The following RBFOX1 variants were observed in gnomAD, a reference collection of about 807,000 sequenced individuals.
The protein encoded by RBFOX1 is RNA binding fox-1 homolog 1, also known as RNA binding protein fox-1 homolog 1.
A neutral mutation model predicts 57.7 loss-of-function variants in RBFOX1; 8 were observed. The ratio of observed to expected loss-of-function variants is 0.14; its 90% CI spans 0.08 to 0.25. The LOEUF (loss-of-function observed/expected upper bound fraction) is 0.25, where lower values mean the gene tolerates loss of function less well. Among genes scored for constraint, RBFOX1 ranks in the 10% least tolerant of loss-of-function variants. The pLI is 1.00. For synonymous variants in RBFOX1, 326 were observed against 222.4 expected (o/e 1.47, Z -4.15); for missense variants, 611 against 548.5 (o/e 1.11, Z -1.14).
intron 3 of RBFOX1, among the ~76,000 whole-genome samples, chr16:5,714,747 A>G (rs1466619661): frequency 6.6e-6 from 1 of 152,226 alleles, no homozygotes; most frequent in East Asian, 1.9e-4. Context: ...TGTATTGTGC[A>G]TACCACACTG....
chr16:6,648,097 C>T (rs1182147947), intron 2 of RBFOX1, among the ~76,000 whole-genome samples: 3 of 152,154 alleles, frequency 2.0e-5, no homozygotes, highest in South Asian at 2.1e-4. Context: ...CCTGCCTTGG[C>T]CTCCCAAAGT....
At chr16:5,805,304 C>G (rs540512832) in intron 3 of RBFOX1, among the ~76,000 whole-genome samples, 33 of 152,278 alleles carry the variant, frequency 2.2e-4, no homozygotes, top group African/African-American at 7.0e-4. Flanking sequence ...TCCATAAGCA[C>G]TGATTTACCA....
intron 4 of RBFOX1, among the ~76,000 whole-genome samples, chr16:7,212,756 G>A (rs1275043930): frequency 6.6e-6 from 1 of 152,184 alleles, no homozygotes; most frequent in African/African-American, 2.4e-5. Flanking sequence ...GTTGATAGGT[G>A]CAGCAAACCA....
chr16:7,391,867 C>A (rs189098910), intron 4 of RBFOX1, among the ~76,000 whole-genome samples: 3 of 152,158 alleles, frequency 2.0e-5, no homozygotes, highest in African/African-American at 7.2e-5. Context: ...GACACTGATT[C>A]TTTTACGTAG....
chr16:7,322,518 G>A (rs2096558905), intron 4 of RBFOX1, among the ~76,000 whole-genome samples: 1 of 152,180 alleles, frequency 6.6e-6, no homozygotes, highest in African/African-American at 2.4e-5. Flanking sequence ...TACCTACTTG[G>A]AAATCTGATG....
intron 4 of RBFOX1, among the ~76,000 whole-genome samples, chr16:7,494,626 G>GT (rs1257611154): frequency 6.6e-6 from 1 of 152,136 alleles, no homozygotes; most frequent in Non-Finnish European, 1.5e-5. Context: ...AGGGTATGCA[G>GT]TTTTTATCTC....
chr16:7,442,707 G>A (rs2098778257), intron 4 of RBFOX1, among the ~76,000 whole-genome samples: 1 of 152,114 alleles, frequency 6.6e-6, no homozygotes, highest in Admixed American at 6.6e-5. Context: ...TTTTACGAGG[G>A]TGGATGGTTG....
intron 1 of RBFOX1, among the ~76,000 whole-genome samples, chr16:5,406,212 T>G (rs1259364260): frequency 6.6e-6 from 1 of 152,154 alleles, no homozygotes; most frequent in Non-Finnish European, 1.5e-5. Flanking sequence ...ATATTGTCCC[T>G]GGGGTGATGG....
intron 3 of RBFOX1, among the ~76,000 whole-genome samples, chr16:6,846,036 G>A (rs955052111): frequency 4.6e-5 from 7 of 152,174 alleles, no homozygotes; most frequent in African/African-American, 1.7e-4. Flanking sequence ...CCATATTTCT[G>A]TCCCTCAACA....
At chr16:5,932,729 C>T (rs996026583) in intron 4 of RBFOX1, among the ~76,000 whole-genome samples, 5 of 152,170 alleles carry the variant, frequency 3.3e-5, no homozygotes, top group African/African-American at 9.7e-5. Context: ...TGTTTACGTG[C>T]ATTTCCCATC....
chr16:7,590,232 A>G (rs1367114399), intron 7 of RBFOX1, among the ~76,000 whole-genome samples: 1 of 152,048 alleles, frequency 6.6e-6, no homozygotes, highest in Non-Finnish European at 1.5e-5. Flanking sequence ...GCACCACTGC[A>G]TTCCAGCTTG....
At chr16:5,412,040 A>C (rs2067035754) in intron 1 of RBFOX1, among the ~76,000 whole-genome samples, 1 of 152,138 alleles carries the variant, frequency 6.6e-6, no homozygotes, top group Non-Finnish European at 1.5e-5. Flanking sequence ...TTCTTTGAGT[A>C]CCATTTGCCA....
At chr16:5,524,404 A>T (rs755855257) in intron 2 of RBFOX1, among the ~76,000 whole-genome samples, 1 of 152,182 alleles carries the variant, frequency 6.6e-6, no homozygotes, top group Non-Finnish European at 1.5e-5. Context: ...CCAGTAAGTC[A>T]CTTAAAAATG....
At chr16:7,632,366 T>A (rs1340895372) in intron 11 of RBFOX1, among the ~76,000 whole-genome samples, 1 of 152,220 alleles carries the variant, frequency 6.6e-6, no homozygotes, top group Non-Finnish European at 1.5e-5. Context: ...CCAGTGTAAA[T>A]GTGTGTGCAT....
At chr16:7,111,726 T>C (rs1407596464) in intron 4 of RBFOX1, among the ~76,000 whole-genome samples, 1 of 151,598 alleles carries the variant, frequency 6.6e-6, no homozygotes, top group Non-Finnish European at 1.5e-5. Flanking sequence ...GACCTGGTCT[T>C]TATAAAATTA....
intron 2 of RBFOX1, among the ~76,000 whole-genome samples, chr16:5,508,802 T>A (rs544982451): frequency 1.3e-5 from 2 of 152,344 alleles, no homozygotes; most frequent in South Asian, 4.1e-4. Context: ...GCAGTCAGGT[T>A]GGCAGAAGTC....
At chr16:6,737,144 A>G (rs944232352) in intron 3 of RBFOX1, among the ~76,000 whole-genome samples, 2 of 152,234 alleles carry the variant, frequency 1.3e-5, no homozygotes, top group Non-Finnish European at 2.9e-5. Flanking sequence ...AGGAAACAAC[A>G]GAGGCAAAGC....
chr16:5,838,500 G>A (rs1314215087), intron 3 of RBFOX1: 1 of 154,884 alleles, frequency 6.5e-6, no homozygotes, highest in Non-Finnish European at 1.5e-5. Context: ...CTGCAGATGA[G>A]CCGGGAACGG....
intron 4 of RBFOX1, among the ~76,000 whole-genome samples, chr16:7,156,220 A>G (rs10445035): frequency 0.49 from 73,468 of 150,998 alleles, 19,299 homozygotes; most frequent in South Asian, 0.66. Flanking sequence ...CTGGAAGTCC[A>G]TATATATATA....
Sources: gnomAD v4.1 joint callset for allele counts (sites outside exome capture counted in the v4.1 genomes callset) on GRCh38, gnomAD v4.1.1 for gene constraint, MANE v1.5 for transcripts, NCBI Gene and HGNC (gene_info 2026-07-23, HGNC 2026-07-21) for gene names.